The following TSEN54 variants were observed in gnomAD, a reference collection of about 807,000 sequenced individuals.
TSEN54 encodes the protein tRNA-splicing endonuclease subunit Sen54.
TSEN54 carries 55 observed loss-of-function variants against 61.9 expected under a neutral mutation model. That is an observed-to-expected ratio of 0.89 (90% CI 0.72 to 1.11). The LOEUF (loss-of-function observed/expected upper bound fraction) is 1.11, where lower values mean the gene tolerates loss of function less well. TSEN54 is among the 50% of genes most tolerant of loss of function. TSEN54 has a pLI of 0.00. For synonymous variants in TSEN54, 304 were observed against 288.7 expected (o/e 1.05, Z -0.54); for missense variants, 760 against 687.7 (o/e 1.11, Z -1.18).
At position 75,516,761 on chromosome 17, in the gene TSEN54, C is replaced by T. The variant is rs1475946213; in HGVS notation, c.72C>T (p.Phe24=). 1.8e-5 allele frequency: 28 copies of T among 1,576,264 alleles called. No homozygotes were observed. Among genetic ancestry groups the T allele is most frequent in the Non-Finnish European group, 2.3e-5 (27 of 1,169,572 alleles). The part of the protein sequence containing the change: ...AGRVLSAREL[F]AARSRSQKLP... ...TCTCCCCCAGCGCCCGGGAGCTCTT[C>T]GCCGCCCGCTCGCGGTCGCAGAAGC... Residue 24 remains phenylalanine (F), a synonymous_variant, in exon 2 of 11, where the codon TTC becomes TTT. Transcript: ENST00000333213.
chr17:75,516,799 C>G lies in TSEN54; in HGVS notation c.110C>G (p.Ser37Trp), dbSNP rs866590713. 2.7e-5 allele frequency: 43 copies of G among 1,589,384 alleles called. No homozygotes were observed. The highest frequency in any genetic ancestry group is 3.2e-5 in the Non-Finnish European group (38 of 1,175,134). Residue 37 changes from serine to tryptophan, a missense_variant, in exon 2 of 11, where the codon TCG (serine) becomes TGG (tryptophan). Coordinates refer to ENST00000333213, the MANE Select transcript of TSEN54 (RefSeq NM_207346.3). Reference protein sequence around the residue: ...RSRSQKLPQRSHGPKDFLPDG... With the variant: ...RSRSQKLPQRWHGPKDFLPDG... Reference sequence around the variant, plus strand: ...CGGTCGCAGAAGCTGCCCCAGCGCTCGCATGGCCCCAAGGACTTTCTGCCC... The same window carrying G: ...CGGTCGCAGAAGCTGCCCCAGCGCTGGCATGGCCCCAAGGACTTTCTGCCC...
intron 5 of TSEN54, among the ~76,000 whole-genome samples, chr17:75,518,233 A>T (rs932972554): frequency 6.6e-6 from 1 of 152,176 alleles, no homozygotes; most frequent in Non-Finnish European, 1.5e-5. Context: ...CCAAGTCTGG[A>T]GTGTGAGGAG....
chr17:75,522,062 G>A lies in TSEN54; in HGVS notation c.981G>A (p.Val327=). The A allele has an allele frequency of 6.3e-7, 1 of 1,588,228 alleles. No individual in the cohort carries two copies. The highest frequency in any genetic ancestry group is 8.6e-7 in the Non-Finnish European group (1 of 1,167,898). Residue 327 remains valine (V), a synonymous_variant, in exon 8 of 11, where the codon GTG becomes GTA. Coordinates refer to ENST00000333213, the MANE Select transcript of TSEN54 (RefSeq NM_207346.3). ...CCCCAGAGCTGCTCCCGGCCAACGT[G>A]GCTGGGCGGGAGACAGACGCTGAGT... ...APAPELLPAN[V]AGRETDAESW... is the part of the protein sequence containing the mutation.
chr17:75,522,207 T>G lies in TSEN54; in HGVS notation c.1126T>G (p.Ser376Ala), dbSNP rs1439582331. 1.9e-6 allele frequency: 3 copies of G among 1,547,868 alleles called. No individual in the cohort carries two copies. The highest frequency in any genetic ancestry group is 4.9e-5 in the East Asian group (2 of 40,844). Residue 376 changes from serine (S) to alanine (A), a missense_variant, in exon 8 of 11, where the codon TCC becomes GCC. This residue lies in a region of TSEN54 where 667 missense variants were observed against 577.8 expected (regional missense o/e 1.15). Coordinates refer to ENST00000333213, the MANE Select transcript of TSEN54 (RefSeq NM_207346.3). Reference sequence around the variant, plus strand: ...CGCCGATCCCGAGGTGCAGCGGTGCTCCAGCTGGCGGGAGTACAAGGAGCT... The same window carrying G: ...CGCCGATCCCGAGGTGCAGCGGTGCGCCAGCTGGCGGGAGTACAAGGAGCT... ...VNADPEVQRC[S>A]SWREYKELLQ... is the part of the protein sequence containing the mutation.
At chr17:75,520,585 C>CAAAAAAAAAAAAAAA (rs200508248) in intron 6 of TSEN54, among the ~76,000 whole-genome samples, 23 of 131,656 alleles carry the variant, frequency 1.7e-4, no homozygotes, top group Non-Finnish European at 2.6e-4. Flanking sequence ...AACTCTATCT[C>CAAAAAAAAAAAAAAA]AAAAAAAAAA....
Position 75,521,446 on chromosome 17 carries a change from G to A in TSEN54, c.559G>A (p.Asp187Asn). 6.2e-7 allele frequency: 1 copy of A among 1,614,122 alleles called. No individual in the cohort carries two copies. The highest frequency in any genetic ancestry group is 8.5e-7 in the Non-Finnish European group (1 of 1,180,030). ...LSPYERQLNL[D>N]ASVQHLEDGD... ...CCCGTATGAGAGGCAGCTTAACCTG[G>A]ATGCCAGCGTGCAGCACTTGGAGGA... The change falls in exon 7 of 11, where the codon GAT (aspartate) becomes AAT (asparagine). Residue 187 changes from aspartate (D) to asparagine (N), a missense_variant. This residue lies in a region of TSEN54 where 667 missense variants were observed against 577.8 expected (regional missense o/e 1.15). Coordinates refer to ENST00000333213, the MANE Select transcript of TSEN54 (RefSeq NM_207346.3).
chr17:75,523,597 G>T, intron 9 of TSEN54, 66 bp from the exon 10 acceptor site: 3 of 1,613,886 alleles, frequency 1.9e-6, no homozygotes, highest in Non-Finnish European at 2.5e-6. Flanking sequence ...GGAGGGAAAG[G>T]GTGGGATGGA....
rs775687022 is a variant in TSEN54, at chr17:75,516,797, C to T, written c.108C>T (p.Arg36=). The part of the protein sequence containing the change: ...ARSRSQKLPQ[R]SHGPKDFLPD... The stretch of plus-strand genomic sequence containing the variant: ...CGCGGTCGCAGAAGCTGCCCCAGCG[C>T]TCGCATGGCCCCAAGGACTTTCTGC... The change falls in exon 2 of 11, where the codon CGC becomes CGT. Residue 36 remains arginine, a synonymous_variant. Coordinates refer to ENST00000333213, the MANE Select transcript of TSEN54 (RefSeq NM_207346.3). The T allele has an allele frequency of 2.0e-5, 31 of 1,587,772 alleles. No homozygotes were observed. In the Admixed American group the frequency reaches 2.0e-4, roughly 10 times the overall value.
At chr17:75,518,407 C>T (rs1230310284) in intron 5 of TSEN54, 2 of 422,960 alleles carry the variant, frequency 4.7e-6, no homozygotes, top group East Asian at 1.6e-4. Context: ...CGAGGAGTGT[C>T]TGGTGATGCA....
At chr17:75,523,252 C>T in intron 8 of TSEN54, 23 bp from the exon 9 acceptor site, 1 of 1,614,058 alleles carries the variant, frequency 6.2e-7, no homozygotes, top group Non-Finnish European at 8.5e-7. Flanking sequence ...CTCCCCAGTA[C>T]CTTGTTTTCT....
rs574027505 is a variant in TSEN54, at chr17:75,524,338, G to T, written c.1507G>T (p.Ala503Ser). The change falls in exon 11 of 11, where the codon GCC becomes TCC. Residue 503 changes from alanine to serine, a missense_variant. Around this residue, in one of 3 missense-constraint regions of TSEN54, gnomAD observed 83 missense variants for 82.9 expected, o/e 1.00. Coordinates refer to ENST00000333213, the MANE Select transcript of TSEN54 (RefSeq NM_207346.3). ...YQSGDVPLIF[A>S]LVDHGDISFY... ...GAGTGGGGATGTCCCTCTGATCTTT[G>T]CCCTGGTGGATCATGGTGACATCTC... 1.2e-5 allele frequency: 19 copies of T among 1,614,188 alleles called. No individual in the cohort carries two copies. The African/African-American group carries it at 1.6e-4, about 14-fold the overall frequency.
At chr17:75,519,182 C>G in intron 6 of TSEN54, 135 bp downstream of exon 6, 6 of 1,007,940 alleles carry the variant, frequency 6.0e-6, no homozygotes, top group Non-Finnish European at 7.9e-6. Flanking sequence ...ACTGGGGGCG[C>G]CTGCTGGAAG....
chr17:75,521,022 G>A (rs1040477401), intron 6 of TSEN54, among the ~76,000 whole-genome samples: 1 of 151,734 alleles, frequency 6.6e-6, no homozygotes, highest in Non-Finnish European at 1.5e-5. Context: ...ACGGGGCTGT[G>A]TCCACAATAT....
At chr17:75,521,380 G>A (rs1474440145) in intron 6 of TSEN54, 29 bp from the exon 7 acceptor site, 2 of 1,586,484 alleles carry the variant, frequency 1.3e-6, no homozygotes, top group Middle Eastern at 1.7e-4. Flanking sequence ...AGGTGGGTCA[G>A]TGGCCCACCC....
At chr17:75,523,121 G>C in intron 8 of TSEN54, 154 bp from the exon 9 acceptor site, 1 of 949,042 alleles carries the variant, frequency 1.1e-6, no homozygotes, top group Non-Finnish European at 1.7e-6. Flanking sequence ...AGAGGTCACA[G>C]TGAGCCAAGA....
chr17:75,522,725 A>C, intron 8 of TSEN54: 6 of 350,450 alleles, frequency 1.7e-5, no homozygotes, highest in East Asian at 1.3e-4. Flanking sequence ...AATAAGCTAA[A>C]TGTGTTAACG....
chr17:75,522,658 G>T, intron 8 of TSEN54: 1 of 781,262 alleles, frequency 1.3e-6, no homozygotes, highest in Non-Finnish European at 1.8e-6. Context: ...TGCCTTCTTG[G>T]CCAAGTGAAA....
At chr17:75,516,708 G>C (rs764343030) in intron 1 of TSEN54, 38 bp from the exon 2 acceptor site, 22 of 1,350,690 alleles carry the variant, frequency 1.6e-5, no homozygotes, top group Non-Finnish European at 2.1e-5. Flanking sequence ...GGCGGCCCCC[G>C]ATGCGCGGCG....
In TSEN54 at chr17:75,516,788, G is replaced by A; in HGVS notation, c.99G>A (p.Leu33=). The A allele has an allele frequency of 6.3e-7, 1 of 1,586,064 alleles. No individual in the cohort carries two copies. The highest frequency in any genetic ancestry group is 8.5e-7 in the Non-Finnish European group (1 of 1,173,794). Reference sequence around the variant, plus strand: ...CCGCCCGCTCGCGGTCGCAGAAGCTGCCCCAGCGCTCGCATGGCCCCAAGG... The same window carrying A: ...CCGCCCGCTCGCGGTCGCAGAAGCTACCCCAGCGCTCGCATGGCCCCAAGG... The part of the protein sequence containing the change: ...LFAARSRSQK[L]PQRSHGPKDF... The change falls in exon 2 of 11, where the codon CTG becomes CTA. Residue 33 remains leucine (L), a synonymous_variant. Coordinates refer to ENST00000333213, the MANE Select transcript of TSEN54 (RefSeq NM_207346.3).
Sources: gnomAD v4.1 joint callset for allele counts (sites outside exome capture counted in the v4.1 genomes callset) on GRCh38, gnomAD v4.1.1 for gene constraint, gnomAD v4.1.1 regional missense constraint, MANE v1.5 for transcripts, NCBI Gene and HGNC (gene_info 2026-07-23, HGNC 2026-07-21) for gene names.